The following BACH2 variants were observed in gnomAD, a reference collection of about 807,000 sequenced individuals.
The protein encoded by BACH2 is BACH transcriptional regulator 2, also known as transcription regulator protein BACH2.
BACH2 carries 5 observed loss-of-function variants against 61.8 expected under a neutral mutation model. The observed-to-expected ratio is 0.08, with a 90% CI of 0.04 to 0.17. The LOEUF (loss-of-function observed/expected upper bound fraction) is 0.17. BACH2 is among the 10% of genes least tolerant of loss of function. The pLI is 1.00. For synonymous variants in BACH2, 446 were observed against 440.1 expected (o/e 1.01, Z -0.17); for missense variants, 824 against 1,091.1 (o/e 0.76, Z 3.45).
chr6:90,267,234 C>T (rs552194721), intron 2 of BACH2, among the ~76,000 whole-genome samples: 1 of 152,128 alleles, frequency 6.6e-6, no homozygotes, highest in African/African-American at 2.4e-5. Flanking sequence ...ACTTGGTACA[C>T]AAAAGACCTA....
intron 6 of BACH2, among the ~76,000 whole-genome samples, chr6:89,990,067 C>T (rs141351529): frequency 6.6e-6 from 1 of 152,310 alleles, no homozygotes; most frequent in African/African-American, 2.4e-5. Context: ...TGCGGGGCCA[C>T]TCCCACAATG....
Position 89,929,932 on chromosome 6 carries a change from T to C in BACH2, c.*2476A>G, listed in dbSNP as rs1016513534. On this transcript the variant is annotated 3_prime_UTR_variant, in exon 9 of 9. Transcript: ENST00000257749. ...GCAAAATACTGTCAGCTGACTCCAC[T>C]GTAACACACGCCTGCGAAGTATCAC... The C allele has an allele frequency of 1.3e-5, 2 of 152,360 alleles. No homozygotes were observed. The highest frequency in any genetic ancestry group is 4.8e-5 in the African/African-American group (2 of 41,448). 9.4% of individuals were successfully genotyped at this position (152,360 alleles called of 1,614,324 possible). A position where few individuals can be genotyped will look rare whatever the true frequency, so the allele number is the denominator to read the frequency against.
intron 4 of BACH2, among the ~76,000 whole-genome samples, chr6:90,154,077 T>C (rs1784911205): frequency 6.6e-6 from 1 of 152,214 alleles, no homozygotes; most frequent in Admixed American, 6.5e-5. Context: ...CTTTGGGCTA[T>C]AGCATGTTTT....
chr6:90,239,870 A>G (rs946460141), intron 3 of BACH2, among the ~76,000 whole-genome samples: 1 of 151,774 alleles, frequency 6.6e-6, no homozygotes, highest in Admixed American at 6.6e-5. Flanking sequence ...ACAGAAATAT[A>G]TATTTGCTAT....
chr6:90,201,861 T>G (rs1768967069), intron 4 of BACH2, among the ~76,000 whole-genome samples: 1 of 152,204 alleles, frequency 6.6e-6, no homozygotes, highest in Admixed American at 6.5e-5. Flanking sequence ...TGAGGCTTAT[T>G]AAATATAGAT....
At chr6:90,056,110 C>A (rs550672103) in intron 5 of BACH2, among the ~76,000 whole-genome samples, 20 of 152,290 alleles carry the variant, frequency 1.3e-4, no homozygotes, top group South Asian at 6.2e-4. Flanking sequence ...GGATCAAATT[C>A]ACACATAACA....
rs546707539 is a variant in BACH2, at chr6:90,133,686, C to T, written c.-161-44577G>A. 7.9e-5 allele frequency among the ~76,000 whole-genome samples: 12 copies of T among 152,160 alleles called. No individual in the cohort carries two copies. In the South Asian group the frequency reaches 1.2e-3, roughly 16 times the overall value. The stretch of plus-strand genomic sequence containing the variant: ...AGGTATATCTCCTAATGCTATCCCT[C>T]CACCCTCCCCACACCCCACAACAGG... On this transcript the variant is annotated intron_variant, in intron 4 of 8. Transcript: ENST00000257749.
chr6:90,007,545 C>A (rs1777475175), intron 6 of BACH2, among the ~76,000 whole-genome samples: 2 of 152,230 alleles, frequency 1.3e-5, no homozygotes, highest in African/African-American at 2.4e-5. Context: ...CTATATACAA[C>A]CTACTTCACT....
At chr6:89,962,992 C>G (rs1158857037) in intron 6 of BACH2, among the ~76,000 whole-genome samples, 1 of 152,058 alleles carries the variant, frequency 6.6e-6, no homozygotes, top group East Asian at 1.9e-4. Flanking sequence ...ATATAAAGAA[C>G]CCCTATGTAA....
intron 7 of BACH2, among the ~76,000 whole-genome samples, chr6:89,946,601 CGA>C (rs919505390): frequency 1.4e-4 from 21 of 152,116 alleles, no homozygotes; most frequent in Admixed American, 1.2e-3. Flanking sequence ...TTTACGAGAA[CGA>C]GAGATATTGG....
intron 3 of BACH2, among the ~76,000 whole-genome samples, chr6:90,234,124 T>C (rs919282143): frequency 1.4e-4 from 21 of 152,304 alleles, no homozygotes; most frequent in African/African-American, 4.6e-4. Context: ...GCTGTGCGGA[T>C]TGGGGAGCCG....
chr6:90,237,068 C>T (rs1482467830), intron 3 of BACH2, among the ~76,000 whole-genome samples: 2 of 152,058 alleles, frequency 1.3e-5, no homozygotes, highest in African/African-American at 4.8e-5. Flanking sequence ...GGACTACAGG[C>T]GCCTGCCACC....
intron 7 of BACH2, among the ~76,000 whole-genome samples, chr6:89,947,862 C>G (rs892296582): frequency 6.6e-6 from 1 of 152,076 alleles, no homozygotes; most frequent in Non-Finnish European, 1.5e-5. Flanking sequence ...TGAGCCACCG[C>G]GCCCAGCCAT....
At chr6:90,038,522 T>C (rs1422767989) in intron 5 of BACH2, among the ~76,000 whole-genome samples, 1 of 152,126 alleles carries the variant, frequency 6.6e-6, no homozygotes, top group Non-Finnish European at 1.5e-5. Context: ...ATCATTAAGT[T>C]TTTCTTTTGT....
At chr6:90,020,476 G>GT (rs1319966532) in intron 5 of BACH2, among the ~76,000 whole-genome samples, 1 of 152,076 alleles carries the variant, frequency 6.6e-6, no homozygotes, top group Non-Finnish European at 1.5e-5. Flanking sequence ...CCCTCACCAT[G>GT]TGATGCCCTG....
chr6:90,141,325 C>T (rs1421872953), intron 4 of BACH2, among the ~76,000 whole-genome samples: 4 of 151,962 alleles, frequency 2.6e-5, no homozygotes, highest in Non-Finnish European at 5.9e-5. Context: ...GGATTACAGG[C>T]GCATGCCACC....
intron 3 of BACH2, among the ~76,000 whole-genome samples, chr6:90,220,927 C>T (rs1161132498): frequency 6.6e-6 from 1 of 152,158 alleles, no homozygotes; most frequent in Non-Finnish European, 1.5e-5. Flanking sequence ...GGTGCCTGGG[C>T]CCCTTTCCTC....
intron 4 of BACH2, among the ~76,000 whole-genome samples, chr6:90,191,551 C>CG (rs1325073816): frequency 3.9e-5 from 6 of 152,136 alleles, no homozygotes; most frequent in Admixed American, 6.5e-5. Flanking sequence ...TCCAATGTGA[C>CG]GGAATGGAAA....
intron 5 of BACH2, among the ~76,000 whole-genome samples, chr6:90,022,615 C>G (rs1471095393): frequency 6.6e-6 from 1 of 152,090 alleles, no homozygotes; most frequent in Non-Finnish European, 1.5e-5. Flanking sequence ...CGAATTTAAC[C>G]AAAATGGAGA....
Sources: gnomAD v4.1 joint callset for allele counts (sites outside exome capture counted in the v4.1 genomes callset) on GRCh38, gnomAD v4.1.1 for gene constraint, MANE v1.5 for transcripts, NCBI Gene and HGNC (gene_info 2026-07-23, HGNC 2026-07-21) for gene names.